The following CSMD1 variants were observed in gnomAD, a reference collection of about 807,000 sequenced individuals.
CSMD1 encodes the protein CUB and sushi domain-containing protein 1.
Under a neutral mutation model 417.5 loss-of-function variants are expected in CSMD1, and 213 were observed. That is an observed-to-expected ratio of 0.51 (90% confidence interval 0.46 to 0.57). The LOEUF (loss-of-function observed/expected upper bound fraction) is 0.57. Ranked by LOEUF, CSMD1 falls within the 20% of genes least tolerant of loss-of-function variation. The pLI, the probability that CSMD1 is intolerant of heterozygous loss-of-function variation, is 0.00. For missense variants in CSMD1, 6,923 were observed against 4,529.7 expected, an observed-to-expected ratio of 1.53 and a Z score of -15.17; for synonymous variants, 2,862 against 1,736.8, an observed-to-expected ratio of 1.65 and a Z score of -16.11.
chr8:3,969,270 G>C (rs989235612), intron 5 of CSMD1, among the ~76,000 whole-genome samples: 2 of 152,106 alleles, frequency 1.3e-5, no homozygotes, highest in African/African-American at 4.8e-5. Context: ...GATAAAAAGA[G>C]TGGCTGTAGC....
intron 66 of CSMD1, among the ~76,000 whole-genome samples, chr8:2,950,669 C>T (rs1223504580): frequency 6.6e-6 from 1 of 152,206 alleles, no homozygotes; most frequent in Non-Finnish European, 1.5e-5. Flanking sequence ...AGTAAAAATA[C>T]ATCACAGAAT....
intron 4 of CSMD1, among the ~76,000 whole-genome samples, chr8:4,023,035 C>T (rs1441898458): frequency 1.3e-5 from 2 of 152,202 alleles, no homozygotes; most frequent in Non-Finnish European, 2.9e-5. Flanking sequence ...TTCCTGAGCT[C>T]ACAGATGCTT....
chr8:4,184,374 A>G (rs1184569543), intron 3 of CSMD1, among the ~76,000 whole-genome samples: 2 of 152,198 alleles, frequency 1.3e-5, no homozygotes, highest in Non-Finnish European at 2.9e-5. Context: ...CTCCCTGAAA[A>G]CTAGCTATTT....
intron 3 of CSMD1, among the ~76,000 whole-genome samples, chr8:4,397,138 G>A (rs553840937): frequency 2.6e-4 from 40 of 151,934 alleles, no homozygotes; most frequent in African/African-American, 9.7e-4. Context: ...TCACATGGTC[G>A]AGCAATCACT....
chr8:4,444,375 AAGC>A (rs1798659897), intron 2 of CSMD1, among the ~76,000 whole-genome samples: 2 of 143,474 alleles, frequency 1.4e-5, no homozygotes, highest in Non-Finnish European at 3.0e-5. Flanking sequence ...AAAAAAAAAA[AAGC>A]AGAGGTTCTT....
chr8:4,630,287 C>G (rs111425824), intron 2 of CSMD1, among the ~76,000 whole-genome samples: 1 of 50,216 alleles, frequency 2.0e-5, no homozygotes, highest in East Asian at 5.1e-4. Context: ...CACACACACA[C>G]ACACACACAC....
intron 1 of CSMD1, among the ~76,000 whole-genome samples, chr8:4,814,076 A>C (rs1049273938): frequency 1.3e-5 from 2 of 152,242 alleles, no homozygotes; most frequent in Admixed American, 1.3e-4. Context: ...ACCTTTAAAA[A>C]ATAATTTCAG....
At chr8:3,286,176 A>G (rs1231311197) in intron 25 of CSMD1, among the ~76,000 whole-genome samples, 6 of 152,172 alleles carry the variant, frequency 3.9e-5, no homozygotes, top group African/African-American at 1.4e-4. Flanking sequence ...TTATGGCTGC[A>G]TAGCATTCCA....
chr8:3,385,274 T>G (rs542747860), intron 18 of CSMD1, among the ~76,000 whole-genome samples: 2 of 149,834 alleles, frequency 1.3e-5, no homozygotes, highest in Non-Finnish European at 3.0e-5. Flanking sequence ...TGTATGAATA[T>G]ATATGTATGT....
At chr8:4,233,051 C>A (rs939985451) in intron 3 of CSMD1, among the ~76,000 whole-genome samples, 36 of 152,156 alleles carry the variant, frequency 2.4e-4, no homozygotes, top group African/African-American at 6.5e-4. Context: ...GGATATGTTG[C>A]TCTAGGTTTA....
Position 3,175,509 on chromosome 8 carries a change from CTTTT to C in CSMD1, c.5725+5597_5725+5600del, listed in dbSNP as rs1302535881. On this transcript the variant is annotated intron_variant, in intron 37 of 69. Transcript: ENST00000635120. ...CCTGCCTGCCTGCCTGCCTGCCTGC[CTTTT>C]TTCCTTCCTTCCTTCCTTCCTTCTT... 2.1e-3 allele frequency among the ~76,000 whole-genome samples: 301 copies of C among 144,516 alleles called. 2 individuals are homozygous for C. Among genetic ancestry groups the C allele is most frequent in the Non-Finnish European group, 2.4e-3 (158 of 65,930 alleles). 94.8% of individuals were successfully genotyped at this position (144,516 alleles called of 152,430 possible).
intron 1 of CSMD1, among the ~76,000 whole-genome samples, chr8:4,799,287 A>G (rs1798151498): frequency 6.6e-6 from 1 of 152,190 alleles, no homozygotes; most frequent in African/African-American, 2.4e-5. Flanking sequence ...ATCAATTGGT[A>G]AAGAAGTTTA....
intron 2 of CSMD1, among the ~76,000 whole-genome samples, chr8:4,544,824 A>T (rs1797561076): frequency 6.6e-6 from 1 of 152,200 alleles, no homozygotes; most frequent in African/African-American, 2.4e-5. Flanking sequence ...GTAACACATT[A>T]ATGCTTCACT....
intron 3 of CSMD1, among the ~76,000 whole-genome samples, chr8:4,078,799 G>T (rs1233065616): frequency 1.3e-5 from 2 of 148,948 alleles, no homozygotes; most frequent in African/African-American, 5.0e-5. Flanking sequence ...ACTTTGGGAG[G>T]CCAAGGCAGG....
intron 1 of CSMD1, among the ~76,000 whole-genome samples, chr8:4,807,004 CA>C (rs1010465501): frequency 1.3e-5 from 2 of 152,168 alleles, no homozygotes; most frequent in African/African-American, 4.8e-5. Flanking sequence ...AGACTAACTT[CA>C]AATGTTATCT....
intron 2 of CSMD1, among the ~76,000 whole-genome samples, chr8:4,538,365 G>A (rs1315227426): frequency 2.6e-5 from 4 of 151,738 alleles, no homozygotes; most frequent in Non-Finnish European, 5.9e-5. Flanking sequence ...TTAAAAGGCT[G>A]GGTGCGATGG....
chr8:4,495,057 G>A (rs972495596), intron 2 of CSMD1, among the ~76,000 whole-genome samples: 3 of 152,058 alleles, frequency 2.0e-5, no homozygotes, highest in Admixed American at 6.6e-5. Flanking sequence ...AAGCACTAGG[G>A]ACAGGGAGAC....
intron 12 of CSMD1, among the ~76,000 whole-genome samples, chr8:3,431,876 G>A (rs1563382204): frequency 1.3e-5 from 2 of 152,160 alleles, no homozygotes; most frequent in Non-Finnish European, 2.9e-5. Flanking sequence ...AGTGAGATAA[G>A]ATATCGGCTG....
chr8:2,996,745 G>C (rs1036192861), intron 54 of CSMD1, among the ~76,000 whole-genome samples: 2 of 152,210 alleles, frequency 1.3e-5, no homozygotes, highest in African/African-American at 4.8e-5. Flanking sequence ...TCTCGTGATT[G>C]TGAAACTAAA....
Sources: allele counts gnomAD v4.1 joint callset (sites outside exome capture counted in the v4.1 genomes callset), GRCh38; gene constraint gnomAD v4.1.1; transcripts MANE v1.5; gene names NCBI Gene and HGNC (gene_info 2026-07-23, HGNC 2026-07-21).